FRMD6: variants seen among roughly 807,000 people sequenced by gnomAD.
The protein encoded by FRMD6 is FERM domain-containing protein 6.
In FRMD6, 37 loss-of-function variants were observed where a neutral mutation model predicts 73.2. The observed-to-expected ratio is 0.51, with a 90% CI of 0.39 to 0.66. FRMD6 has a LOEUF of 0.66. Ranked by LOEUF, FRMD6 falls within the 30% of genes least tolerant of loss-of-function variation. FRMD6 has a pLI of 0.00. For missense variants in FRMD6, 714 were observed against 780.5 expected (o/e 0.91, Z 1.02); for synonymous variants, 273 against 282.2 (o/e 0.97, Z 0.33).
intron 1 of FRMD6, among the ~76,000 whole-genome samples, chr14:51,505,162 C>T (rs1359700853): frequency 6.6e-6 from 1 of 152,094 alleles, no homozygotes; most frequent in Non-Finnish European, 1.5e-5. Context: ...GGCTTTCTGT[C>T]CCCCGAATAT....
At chr14:51,658,733 G>A (rs1893011231) in intron 1 of FRMD6, among the ~76,000 whole-genome samples, 1 of 152,132 alleles carries the variant, frequency 6.6e-6, no homozygotes, top group Non-Finnish European at 1.5e-5. Context: ...TTCACTGAGA[G>A]ATCTAACAGA....
At chr14:51,723,516 C>T (rs990880027) in intron 12 of FRMD6, among the ~76,000 whole-genome samples, 1 of 152,000 alleles carries the variant, frequency 6.6e-6, no homozygotes, top group Non-Finnish European at 1.5e-5. Flanking sequence ...TGTGGTGGCT[C>T]ACACGTATAA....
chr14:51,712,545 GT>G lies in FRMD6; in HGVS notation c.846del (p.Phe282LeufsTer36). 6.3e-7 allele frequency: 1 copy of G among 1,592,482 alleles called. No homozygotes were observed. The highest frequency in any genetic ancestry group is 8.6e-7 in the Non-Finnish European group (1 of 1,161,260). ...CCTGGACAAATGTTGGAAAATTGGT[GT>G]TTGTGGTAAGTTTAAAATAACTGGC... ...FPWTNVGKLV[F>X]VGKKFEILPD... On this transcript the variant is annotated frameshift_variant, in exon 9 of 14. Transcript: ENST00000344768. LOFTEE classifies it high-confidence loss of function.
At chr14:51,716,396 A>G (rs1897245711) in intron 10 of FRMD6, among the ~76,000 whole-genome samples, 1 of 152,112 alleles carries the variant, frequency 6.6e-6, no homozygotes, top group Admixed American at 6.5e-5. Context: ...TCTAACAGTA[A>G]TTTGATTAGA....
chr14:51,469,116 A>G, the FRMD6 span, among the ~76,000 whole-genome samples: 1 of 151,070 alleles, frequency 6.6e-6, no homozygotes, highest in Non-Finnish European at 1.5e-5. Flanking sequence ...AATTTTTTGT[A>G]TTTTTAGTAG....
intron 2 of FRMD6, among the ~76,000 whole-genome samples, chr14:51,639,536 T>A (rs977010917): frequency 6.6e-6 from 1 of 152,214 alleles, no homozygotes; most frequent in Non-Finnish European, 1.5e-5. Flanking sequence ...AAAATAGGAA[T>A]TATGATGGTA....
Position 51,558,417 on chromosome 14 carries a change from G to A in FRMD6, c.-209-11931G>A, listed in dbSNP as rs1363918825. 5.3e-5 allele frequency among the ~76,000 whole-genome samples: 8 copies of A among 151,002 alleles called. No homozygotes were observed. In the South Asian group the frequency reaches 6.3e-4, roughly 12 times the overall value. ...TGGGAGGTGGAGGTTGCAGTGAGCCGAGATTGCACCACTGCACTCCAGCCC... is the reference window on the plus strand; with the variant it reads ...TGGGAGGTGGAGGTTGCAGTGAGCCAAGATTGCACCACTGCACTCCAGCCC... On this transcript the variant is annotated intron_variant, in intron 1 of 14. Coordinates refer to the FRMD6 transcript ENST00000356218.
At chr14:51,487,916 A>G (rs1882809868), upstream of FRMD6, among the ~76,000 whole-genome samples, 2 of 152,252 alleles carry the variant, frequency 1.3e-5, no homozygotes, top group South Asian at 4.1e-4. Context: ...TTTTAGTGCC[A>G]GTATTAGAAA....
chr14:51,525,324 A>G (rs1885190487), intron 1 of FRMD6, among the ~76,000 whole-genome samples: 1 of 151,926 alleles, frequency 6.6e-6, no homozygotes, highest in South Asian at 2.1e-4. Flanking sequence ...GCTGGAGTGC[A>G]GTAGCGAGGT....
In FRMD6 at chr14:51,710,849, G is replaced by GT. The variant is rs960551722; in HGVS notation, c.715-673dup. 1.1e-4 allele frequency among the ~76,000 whole-genome samples: 16 copies of GT among 151,568 alleles called. No homozygotes were observed. In the South Asian group the frequency reaches 2.3e-3, roughly 22 times the overall value. The stretch of plus-strand genomic sequence containing the variant: ...TTAAAGTGAATTTTTAATTGTGGAG[G>GT]TTTTTTTTTCCCCTTATGCTCATTG... On this transcript the variant is annotated intron_variant, in intron 7 of 13. Coordinates refer to ENST00000344768, the MANE Select transcript of FRMD6 (RefSeq NM_001267046.2).
At chr14:51,664,019 T>G (rs1027016971) in intron 1 of FRMD6, among the ~76,000 whole-genome samples, 7 of 152,230 alleles carry the variant, frequency 4.6e-5, no homozygotes, top group Non-Finnish European at 1.0e-4. Flanking sequence ...GGGATTAAGT[T>G]TCCAACACAT....
Position 51,530,787 on chromosome 14 carries a change from G to A in FRMD6, c.-209-39561G>A, listed in dbSNP as rs537336862. On this transcript the variant is annotated intron_variant, in intron 1 of 14. Coordinates refer to the FRMD6 transcript ENST00000356218. ...CAGGCAGGAACCACCATACCCGGCT[G>A]CAAGATATTTATTAATTAGAAAAGG... 6.2e-4 allele frequency among the ~76,000 whole-genome samples: 94 copies of A among 152,198 alleles called. 2 individuals are homozygous for A. The South Asian group carries it at 0.019, about 31-fold the overall frequency.
chr14:51,544,687 T>A (rs998499191), intron 1 of FRMD6, among the ~76,000 whole-genome samples: 33 of 151,934 alleles, frequency 2.2e-4, no homozygotes, highest in Non-Finnish European at 4.0e-4. Flanking sequence ...GTTTTTTTTT[T>A]AATCAATTTT....
chr14:51,601,927 T>A (rs2139810186), intron 2 of FRMD6, among the ~76,000 whole-genome samples: 1 of 152,328 alleles, frequency 6.6e-6, no homozygotes, highest in Non-Finnish European at 1.5e-5. Context: ...GCCTCCCTGA[T>A]TAGATTGTAA....
intron 11 of FRMD6, chr14:51,720,630 T>C (rs1897501321): frequency 3.8e-6 from 2 of 532,824 alleles, no homozygotes; most frequent in Non-Finnish European, 6.8e-6. Flanking sequence ...CAGTCTTAGC[T>C]GTTTCTATGA....
intron 1 of FRMD6, among the ~76,000 whole-genome samples, chr14:51,654,705 T>C (rs1892700497): frequency 6.6e-6 from 1 of 152,180 alleles, no homozygotes; most frequent in Admixed American, 6.5e-5. Flanking sequence ...TTGGATGATC[T>C]CAACAAGTTT....
chr14:51,423,662 G>T, the FRMD6 span, among the ~76,000 whole-genome samples: 1 of 152,188 alleles, frequency 6.6e-6, no homozygotes, highest in Admixed American at 6.5e-5. Context: ...CTCTCCGGAA[G>T]GTTCTGCAGC....
chr14:51,554,852 A>G (rs1437905577), intron 1 of FRMD6: 2 of 152,248 alleles, frequency 1.3e-5, no homozygotes, highest in Admixed American at 6.5e-5. Flanking sequence ...GTAGTTATTG[A>G]CACTGCATCA....
In FRMD6 at chr14:51,512,733, C is replaced by G. The variant is rs931047386; in HGVS notation, c.-210+23313C>G. 3.3e-5 allele frequency among the ~76,000 whole-genome samples: 5 copies of G among 151,966 alleles called. No homozygotes were observed. In the East Asian group the frequency reaches 9.6e-4, roughly 29 times the overall value. The stretch of plus-strand genomic sequence containing the variant: ...TAAGAGAAGGAGTAGTCTGTATGTA[C>G]CGGATTCTTTCCCCCAGGCTGGAAC... On this transcript the variant is annotated intron_variant, in intron 1 of 14. Coordinates refer to the FRMD6 transcript ENST00000356218.
Sources: gnomAD v4.1 joint callset for allele counts (sites outside exome capture counted in the v4.1 genomes callset) on GRCh38, gnomAD v4.1.1 for gene constraint, MANE v1.5 for transcripts, NCBI Gene and HGNC (gene_info 2026-07-23, HGNC 2026-07-21) for gene names.